The following GRAMD1B variants were observed in gnomAD, a reference collection of about 807,000 sequenced individuals.
GRAMD1B encodes the protein protein Aster-B.
A neutral mutation model predicts 99.7 loss-of-function variants in GRAMD1B; 37 were observed. The observed-to-expected ratio is 0.37, with a 90% CI of 0.29 to 0.49. The LOEUF is 0.49. Among genes scored for constraint, GRAMD1B ranks in the 20% least tolerant of loss-of-function variants. GRAMD1B has a pLI of 0.98. For synonymous variants in GRAMD1B, 427 were observed against 387.6 expected, an observed-to-expected ratio of 1.10 and a Z score of -1.19; for missense variants, 888 against 1,009.2, an observed-to-expected ratio of 0.88 and a Z score of 1.63.
intron 1 of GRAMD1B, among the ~76,000 whole-genome samples, chr11:123,415,053 G>A (rs1246927021): frequency 6.6e-6 from 1 of 151,402 alleles, no homozygotes; most frequent in Non-Finnish European, 1.5e-5. Context: ...AAGGCTGCCA[G>A]GCTGCCTTTT....
At chr11:123,421,403 T>A (rs1023081289) in intron 1 of GRAMD1B, among the ~76,000 whole-genome samples, 1 of 152,248 alleles carries the variant, frequency 6.6e-6, no homozygotes, top group Non-Finnish European at 1.5e-5. Flanking sequence ...CAAAATATTA[T>A]GTCCAAAATA....
intron 1 of GRAMD1B, among the ~76,000 whole-genome samples, chr11:123,369,864 C>T (rs1032222673): frequency 6.8e-6 from 1 of 147,146 alleles, no homozygotes; most frequent in African/African-American, 2.5e-5. Context: ...CCAGCCTGGG[C>T]AACAGTGAGA....
At chr11:123,408,397 C>T (rs1232087530) in intron 1 of GRAMD1B, among the ~76,000 whole-genome samples, 1 of 152,162 alleles carries the variant, frequency 6.6e-6, no homozygotes, top group Non-Finnish European at 1.5e-5. Context: ...CTGCATTGTT[C>T]TTACTTTGTG....
At chr11:123,599,455 T>G (rs1951680367) in intron 7 of GRAMD1B, 10 of 637,800 alleles carry the variant, frequency 1.6e-5, no homozygotes, top group Non-Finnish European at 3.0e-5. Flanking sequence ...GTCTCCATCT[T>G]CCCTTCACCA....
At chr11:123,615,647 G>A (rs545252901) in intron 17 of GRAMD1B, among the ~76,000 whole-genome samples, 192 of 152,384 alleles carry the variant, frequency 1.3e-3, no homozygotes, top group African/African-American at 4.2e-3. Context: ...GTCATTCACA[G>A]ACATCTGGAA....
At chr11:123,416,559 T>C (rs1022071000) in intron 1 of GRAMD1B, among the ~76,000 whole-genome samples, 14 of 152,218 alleles carry the variant, frequency 9.2e-5, no homozygotes, top group Non-Finnish European at 1.2e-4. Flanking sequence ...ATTCATGTTT[T>C]TCTGTGTGTA....
chr11:123,431,316 G>C (rs191723256), intron 1 of GRAMD1B, 150 bp downstream of exon 1: 1 of 590,100 alleles, frequency 1.7e-6, no homozygotes, highest in African/African-American at 1.9e-5. Flanking sequence ...CCTGGTCCCA[G>C]GGATGGTGGC....
rs758659782 is a variant in GRAMD1B at position 123,467,819 on chromosome 11, TTCCC to T, written c.375-12975_375-12972del. Among the ~76,000 whole-genome samples, 709 of 139,810 alleles carry T rather than the reference TTCCC, an allele frequency of 5.1e-3. 12 individuals carry two copies. The highest frequency in any genetic ancestry group is 4.1e-3 in the Non-Finnish European group (271 of 65,454). The allele number at this position is 139,810 out of a possible 152,430, so 91.7% of individuals were successfully genotyped here. A position where few individuals can be genotyped will look rare whatever the true frequency, so the allele number is the denominator to read the frequency against. ...CTTCCTTCTTTTTCTTTCTTTTCTT[TTCCC>T]TCCCTCCCTCCCTCCCTCCCTTCCT... On this transcript the variant is annotated intron_variant, in intron 1 of 19. Transcript: ENST00000635736.
intron 2 of GRAMD1B, among the ~76,000 whole-genome samples, chr11:123,488,969 G>T (rs1250744088): frequency 6.6e-6 from 1 of 152,042 alleles, no homozygotes; most frequent in Non-Finnish European, 1.5e-5. Flanking sequence ...ACCCCCTTAA[G>T]GTTGACCCCT....
At chr11:123,466,456 G>GAAAGAAAGAAAGA (rs1231768108) in intron 1 of GRAMD1B, among the ~76,000 whole-genome samples, 100 of 146,018 alleles carry the variant, frequency 6.8e-4, no homozygotes, top group African/African-American at 2.6e-3. Flanking sequence ...GAAAGAGAAA[G>GAAAGAAAGAAAGA]AAAGAAAGAA....
chr11:123,609,862 C>T lies in GRAMD1B; in HGVS notation c.1725C>T (p.Ile575=). The part of the protein sequence containing the change: ...GNQSRVILYT[I]TLTNPLAPKT... ...AGAGCCGAGTGATTCTTTACACCATCACCCTTACCAACCCTCTGGCTCCCA... is the reference window on the plus strand; with the variant it reads ...AGAGCCGAGTGATTCTTTACACCATTACCCTTACCAACCCTCTGGCTCCCA... The change falls in exon 13 of 20, where the codon ATC becomes ATT. Residue 575 remains isoleucine (I), a synonymous_variant. Coordinates refer to ENST00000635736, the MANE Select transcript of GRAMD1B (RefSeq NM_001387025.1). 1.2e-6 allele frequency: 2 copies of T among 1,603,652 alleles called. No homozygotes were observed. Among genetic ancestry groups the T allele is most frequent in the Non-Finnish European group, 1.7e-6 (2 of 1,174,946 alleles).
chr11:123,578,746 C>A (rs947903242), intron 3 of GRAMD1B, among the ~76,000 whole-genome samples: 1 of 152,176 alleles, frequency 6.6e-6, no homozygotes, highest in Non-Finnish European at 1.5e-5. Flanking sequence ...AGAAACAGAG[C>A]CCTGCCTGGC....
rs747229791 is a variant in GRAMD1B, at chr11:123,430,865, G to A, written c.73G>A (p.Glu25Lys). ...LQVPEPQGAPEGSPVWSSSST... is the reference protein window; with the variant it reads ...LQVPEPQGAPKGSPVWSSSST... ...GGTGCCCGAGCCGCAGGGTGCGCCC[G>A]AGGGCAGCCCGGTCTGGTCCAGTTC... is the stretch of plus-strand genomic sequence containing the variant. Residue 25 changes from glutamate to lysine, a missense_variant, in exon 1 of 20, where the codon GAG (glutamate) becomes AAG (lysine). By Grantham distance (56) the Glu-to-Lys change is moderately conservative. Transcript: ENST00000635736. The A allele has an allele frequency of 8.5e-6, 6 of 701,944 alleles. No homozygotes were observed. Among genetic ancestry groups the A allele is most frequent in the South Asian group, 5.9e-5 (4 of 67,544 alleles). The allele number at this position is 701,944 out of a possible 1,614,324, so 43.5% of individuals were successfully genotyped here.
At chr11:123,588,228 C>G (rs79613545) in intron 4 of GRAMD1B, among the ~76,000 whole-genome samples, 1,893 of 152,264 alleles carry the variant, frequency 0.012, 29 homozygotes, top group African/African-American at 0.033. Context: ...CTCCTCCACC[C>G]CCTCCTTCTC....
intron 2 of GRAMD1B, among the ~76,000 whole-genome samples, chr11:123,486,564 A>AAG (rs1937808605): frequency 6.8e-6 from 1 of 147,630 alleles, no homozygotes; most frequent in Non-Finnish European, 1.5e-5. Flanking sequence ...GAAAAAAAAA[A>AAG]AAAAACAAAA....
intron 1 of GRAMD1B, among the ~76,000 whole-genome samples, chr11:123,386,215 C>T (rs1947052157): frequency 1.3e-5 from 2 of 152,096 alleles, no homozygotes; most frequent in Admixed American, 6.6e-5. Flanking sequence ...ATATTTTTCT[C>T]TTCCATATCT....
intron 2 of GRAMD1B, among the ~76,000 whole-genome samples, chr11:123,542,835 G>A (rs1420873965): frequency 1.3e-5 from 2 of 152,064 alleles, no homozygotes; most frequent in Non-Finnish European, 2.9e-5. Context: ...TGTATTTCCA[G>A]TAAAGACGGG....
intron 1 of GRAMD1B, among the ~76,000 whole-genome samples, chr11:123,453,375 G>A (rs954704668): frequency 6.6e-6 from 1 of 152,044 alleles, no homozygotes; most frequent in African/African-American, 2.4e-5. Flanking sequence ...GGAGTGCAGT[G>A]GTGCAATCCT....
At chr11:123,555,288 C>G (rs1270142580) in intron 2 of GRAMD1B, among the ~76,000 whole-genome samples, 2 of 152,074 alleles carry the variant, frequency 1.3e-5, no homozygotes. Flanking sequence ...TATACAAGCA[C>G]CTTTTGCCTT....
Sources: allele counts gnomAD v4.1 joint callset (sites outside exome capture counted in the v4.1 genomes callset), GRCh38; gene constraint gnomAD v4.1.1; transcripts MANE v1.5; gene names NCBI Gene and HGNC (gene_info 2026-07-23, HGNC 2026-07-21).